TYW1: variants seen among roughly 807,000 people sequenced by gnomAD.
TYW1 encodes tRNA-yW synthesizing protein 1 homolog, also known as S-adenosyl-L-methionine-dependent tRNA 4-demethylwyosine synthase TYW1.
In TYW1, 46 loss-of-function variants were observed where a neutral mutation model predicts 96.2. That is an observed-to-expected ratio of 0.48 (90% CI 0.38 to 0.61). The LOEUF is 0.61. TYW1 is among the 20% of genes least tolerant of loss of function. The pLI, the probability that TYW1 is intolerant of heterozygous loss-of-function variation, is 0.00. For synonymous variants in TYW1, 274 were observed against 323.0 expected (o/e 0.85, Z 1.63); for missense variants, 684 against 909.6 (o/e 0.75, Z 3.19).
chr7:67,147,271 A>G (rs1798636995), intron 13 of TYW1, among the ~76,000 whole-genome samples: 1 of 152,210 alleles, frequency 6.6e-6, no homozygotes, highest in Non-Finnish European at 1.5e-5. Flanking sequence ...TATTTAAAGT[A>G]TATTGGAGAA....
chr7:67,167,730 C>T (rs1489226547), intron 13 of TYW1, among the ~76,000 whole-genome samples: 1 of 151,324 alleles, frequency 6.6e-6, no homozygotes, highest in Non-Finnish European at 1.5e-5. Flanking sequence ...ATGTTTGGGT[C>T]TGTTTTTATT....
rs967139757 is a variant in TYW1 at position 67,049,822 on chromosome 7, C to T, written c.985-127C>T. ...CTGGCCTCCTAAAATGCTGGGATTACAGGCGTGAGCCACCGTGCCCGGCCT... is the reference window on the plus strand; with the variant it reads ...CTGGCCTCCTAAAATGCTGGGATTATAGGCGTGAGCCACCGTGCCCGGCCT... On this transcript the variant is annotated intron_variant, in intron 7 of 15. Transcript: ENST00000359626. 30 of 1,138,918 alleles carry T rather than the reference C, an allele frequency of 2.6e-5. No individual in the cohort carries two copies. The African/African-American group carries it at 4.1e-4, about 15-fold the overall frequency. The allele number at this position is 1,138,918 out of a possible 1,614,324, so 70.6% of individuals were successfully genotyped here.
At chr7:67,068,178 T>C (rs372816344) in intron 10 of TYW1, among the ~76,000 whole-genome samples, 1 of 152,138 alleles carries the variant, frequency 6.6e-6, no homozygotes, top group African/African-American at 2.4e-5. Flanking sequence ...CGCACCACCA[T>C]GCCCAGCTAA....
chr7:67,014,312 A>T, intron 4 of TYW1, 55 bp from the exon 5 acceptor site: 2 of 1,522,046 alleles, frequency 1.3e-6, no homozygotes, highest in Non-Finnish European at 1.8e-6. Context: ...GATTTTCTTC[A>T]TTGAGATAAT....
intron 11 of TYW1, among the ~76,000 whole-genome samples, chr7:67,094,398 C>G (rs1219544349): frequency 6.6e-6 from 1 of 151,862 alleles, no homozygotes; most frequent in African/African-American, 2.4e-5. Context: ...GATGGTAGTT[C>G]TATTTTTAGT....
intron 13 of TYW1, among the ~76,000 whole-genome samples, chr7:67,172,322 A>G (rs1030626451): frequency 6.7e-6 from 1 of 149,468 alleles, no homozygotes; most frequent in African/African-American, 2.4e-5. Flanking sequence ...TTTATAAGCA[A>G]TAGTACTTAG....
intron 3 of TYW1, among the ~76,000 whole-genome samples, chr7:67,005,091 C>T (rs557913697): frequency 2.6e-5 from 4 of 152,174 alleles, no homozygotes; most frequent in South Asian, 2.1e-4. Flanking sequence ...TCAATATAGG[C>T]CCCAATCTCT....
chr7:67,220,201 ATTTTTTTTTTTT>A (rs57595328), intron 15 of TYW1, among the ~76,000 whole-genome samples: 1 of 93,170 alleles, frequency 1.1e-5, no homozygotes, highest in South Asian at 3.8e-4. Flanking sequence ...TCATTTATTG[ATTTTTTTTTTTT>A]TTTTTTTTGA....
intron 13 of TYW1, among the ~76,000 whole-genome samples, chr7:67,172,670 A>G (rs1799552446): frequency 6.6e-6 from 1 of 151,944 alleles, no homozygotes. Context: ...GGATCTGCTC[A>G]CCTCGGCCTC....
At chr7:67,162,615 G>C (rs1203826320) in intron 13 of TYW1, among the ~76,000 whole-genome samples, 19 of 152,118 alleles carry the variant, frequency 1.2e-4, no homozygotes, top group Admixed American at 7.9e-4. Flanking sequence ...CACACATGGA[G>C]TCCAGTTATT....
chr7:67,018,955 CA>C (rs776221914), intron 6 of TYW1, among the ~76,000 whole-genome samples: 4,298 of 49,090 alleles, frequency 0.088, 69 homozygotes, highest in Middle Eastern at 0.16. Context: ...GACTCAGTCT[CA>C]AAAAAAAAAA....
chr7:67,091,482 A>G (rs564897932), intron 11 of TYW1, among the ~76,000 whole-genome samples: 138 of 152,262 alleles, frequency 9.1e-4, no homozygotes, highest in Admixed American at 4.1e-3. Context: ...GTTAACGGGT[A>G]CAGCACGCCA....
chr7:67,163,585 T>G (rs943825158), intron 13 of TYW1, among the ~76,000 whole-genome samples: 4 of 152,186 alleles, frequency 2.6e-5, no homozygotes, highest in African/African-American at 4.8e-5. Context: ...ATTCAGTTGA[T>G]GTGCATGATC....
At chr7:67,076,344 G>T (rs1189314734) in intron 10 of TYW1, among the ~76,000 whole-genome samples, 2 of 152,152 alleles carry the variant, frequency 1.3e-5, no homozygotes, top group African/African-American at 4.8e-5. Flanking sequence ...GCCTTGCTGA[G>T]AAAATTAAAT....
At chr7:67,148,270 C>T (rs1355431231) in intron 13 of TYW1, among the ~76,000 whole-genome samples, 2 of 151,660 alleles carry the variant, frequency 1.3e-5, no homozygotes, top group East Asian at 3.9e-4. Context: ...ATAATGGTTT[C>T]ACCTGTTTCT....
chr7:67,069,567 T>C (rs1257857639), intron 10 of TYW1, among the ~76,000 whole-genome samples: 1 of 152,134 alleles, frequency 6.6e-6, no homozygotes, highest in Admixed American at 6.6e-5. Flanking sequence ...GACGAAACCT[T>C]GTCTCTACGA....
intron 8 of TYW1, among the ~76,000 whole-genome samples, chr7:67,053,168 A>G (rs1195077382): frequency 2.0e-5 from 3 of 149,232 alleles, no homozygotes; most frequent in Admixed American, 6.8e-5. Flanking sequence ...GGCTTCTTAG[A>G]TGAGACAAGA....
chr7:67,107,952 C>T (rs1309616327), intron 12 of TYW1, among the ~76,000 whole-genome samples: 1 of 150,192 alleles, frequency 6.7e-6, no homozygotes, highest in Non-Finnish European at 1.5e-5. Context: ...TCTGGGCTCA[C>T]TACAACCTGC....
Position 67,199,964 on chromosome 7 carries a change from G to A in TYW1, c.1977+4627G>A, listed in dbSNP as rs75806293. Among the ~76,000 whole-genome samples the A allele has an allele frequency of 3.9e-5, 6 of 152,052 alleles. No individual in the cohort carries two copies. The East Asian group carries it at 5.9e-4, about 15-fold the overall frequency. On this transcript the variant is annotated intron_variant, in intron 15 of 15. Coordinates refer to ENST00000359626, the MANE Select transcript of TYW1 (RefSeq NM_018264.4). Reference sequence around the variant, plus strand: ...GGGAGGGAGGATGGAAGGAAAGAAGGAAGGAAAAAGAAGAAAGAAAGAACT... The same window carrying A: ...GGGAGGGAGGATGGAAGGAAAGAAGAAAGGAAAAAGAAGAAAGAAAGAACT...
Sources: allele counts gnomAD v4.1 joint callset (sites outside exome capture counted in the v4.1 genomes callset), GRCh38; gene constraint gnomAD v4.1.1; transcripts MANE v1.5; gene names NCBI Gene and HGNC (gene_info 2026-07-23, HGNC 2026-07-21).